The following DECR2 variants were observed in gnomAD, a reference collection of about 807,000 sequenced individuals.
The protein encoded by DECR2 is 2,4-dienoyl-CoA reductase 2.
DECR2 carries 34 observed loss-of-function variants against 29.2 expected under a neutral mutation model. The ratio of observed to expected loss-of-function variants is 1.16; its 90% CI spans 0.89 to 1.55. DECR2 has a LOEUF of 1.55. DECR2 is among the 40% of genes most tolerant of loss of function. The probability of loss-of-function intolerance (pLI) is 0.00; values close to 1 mark genes in which losing one functional copy is unlikely to be tolerated. For synonymous variants in DECR2, 224 were observed against 182.7 expected, an observed-to-expected ratio of 1.23 and a Z score of -1.82; for missense variants, 485 against 425.3, an observed-to-expected ratio of 1.14 and a Z score of -1.23.
chr16:407,771 C>T (rs74000576), intron 4 of DECR2, among the ~76,000 whole-genome samples: 66,656 of 135,342 alleles, frequency 0.49, 16,412 homozygotes, highest in Middle Eastern at 0.59. Context: ...TCTCCGGGCC[C>T]CTGTCTCCGG....
intron 3 of DECR2, 29 bp from the exon 4 acceptor site, chr16:407,396 T>C (rs1326068845): frequency 1.3e-6 from 2 of 1,591,586 alleles, no homozygotes; most frequent in Non-Finnish European, 1.7e-6. Flanking sequence ...GCTGCAGGGC[T>C]GCTGTCTGCC....
intron 1 of DECR2, among the ~76,000 whole-genome samples, chr16:402,644 TC>T (rs1291620363): frequency 5.3e-5 from 8 of 151,892 alleles, no homozygotes; most frequent in African/African-American, 1.9e-4. Flanking sequence ...TTTTTTTTTT[TC>T]CTTTTCTTTT....
At chr16:403,174 A>G (rs1444918789) in intron 1 of DECR2, among the ~76,000 whole-genome samples, 2 of 150,788 alleles carry the variant, frequency 1.3e-5, no homozygotes, top group African/African-American at 4.9e-5. Context: ...TAGGCACACA[A>G]TACCACGCTG....
rs374884091 is a variant in DECR2, at chr16:410,655, C to T, written c.463-36C>T. The T allele has an allele frequency of 6.4e-7, 1 of 1,559,132 alleles. No individual in the cohort carries two copies. Among genetic ancestry groups the T allele is most frequent in the East Asian group, 2.3e-5 (1 of 42,856 alleles). Reference sequence around the variant, plus strand: ...ACTGTCCTGTGACCTCCCCCGACACCCGCCCGCTCACTGCCCCGGGCCTTG... The same window carrying T: ...ACTGTCCTGTGACCTCCCCCGACACTCGCCCGCTCACTGCCCCGGGCCTTG... On this transcript the variant is annotated intron_variant, in intron 5 of 8. Coordinates refer to ENST00000219481, the MANE Select transcript of DECR2 (RefSeq NM_020664.4). This position sits in a 1 kb window ranked among gnomAD's most constrained non-coding sequence, Gnocchi z 4.1.
intron 4 of DECR2, among the ~76,000 whole-genome samples, chr16:408,778 A>G (rs1438233834): frequency 1.3e-5 from 2 of 151,822 alleles, no homozygotes; most frequent in Non-Finnish European, 2.9e-5. Flanking sequence ...TGGCCTCCCA[A>G]AATGCTGGGA....
At chr16:407,248 C>T in intron 3 of DECR2, 177 bp from the exon 4 acceptor site, 2 of 1,416,512 alleles carry the variant, frequency 1.4e-6, no homozygotes, top group Non-Finnish European at 1.8e-6. Flanking sequence ...TGGCAGGTTC[C>T]CACAAACATC....
intron 7 of DECR2, 24 bp downstream of exon 7, chr16:411,100 C>T: frequency 6.8e-7 from 1 of 1,480,630 alleles, no homozygotes. Flanking sequence ...GGAGCCCAGG[C>T]CTCCCACAGA....
rs144593130 is a variant in DECR2 at position 410,250 on chromosome 16, C to T, written c.345C>T (p.Ala115=). 5.6e-5 allele frequency: 91 copies of T among 1,612,982 alleles called. No individual in the cohort carries two copies. Among genetic ancestry groups the T allele is most frequent in the Non-Finnish European group, 7.1e-5 (84 of 1,179,676 alleles). ...CGGTCTCCCATTCTGCAGGTGCGGC[C>T]GGGAACTTCCTGTGCCCCGCTGGCG... ...GRIDILINCA[A]GNFLCPAGAL... is the part of the protein sequence containing the mutation. The change falls in exon 5 of 9, where the codon GCC becomes GCT. Residue 115 remains alanine (A), a synonymous_variant. Coordinates refer to ENST00000219481, the MANE Select transcript of DECR2 (RefSeq NM_020664.4). This position sits in a 1 kb window ranked among gnomAD's most constrained non-coding sequence, Gnocchi z 4.1.
intron 4 of DECR2, among the ~76,000 whole-genome samples, chr16:407,971 C>G (rs867868880): frequency 7.6e-4 from 58 of 75,952 alleles, no homozygotes; most frequent in African/African-American, 3.0e-3. Flanking sequence ...CTGTCTCCGG[C>G]CCCCTGTCTC....
chr16:410,441 G>T lies in DECR2; in HGVS notation c.462+74G>T. The T allele has an allele frequency of 6.3e-7, 1 of 1,580,192 alleles. No individual in the cohort carries two copies. The highest frequency in any genetic ancestry group is 8.6e-7 in the Non-Finnish European group (1 of 1,159,256). The stretch of plus-strand genomic sequence containing the variant: ...GTGCGCTCTGTGAGAAGTTCTTCCG[G>T]GTGGGTGCCTTGTGCGCTCTGTGAG... On this transcript the variant is annotated intron_variant, in intron 5 of 8. Coordinates refer to ENST00000219481, the MANE Select transcript of DECR2 (RefSeq NM_020664.4). The surrounding 1 kb of genome is among the most constrained non-coding windows in gnomAD (Gnocchi z 4.1).
intron 4 of DECR2, chr16:409,886 G>C (rs2054789834): frequency 4.0e-6 from 1 of 248,356 alleles, no homozygotes; most frequent in African/African-American, 2.2e-5. Flanking sequence ...GTGTGTCTGT[G>C]TGTCCTCTTC....
chr16:410,550 C>T lies in DECR2; in HGVS notation c.463-141C>T. 1 of 1,427,128 alleles carries T rather than the reference C, an allele frequency of 7.0e-7. No individual in the cohort carries two copies. The highest frequency in any genetic ancestry group is 9.6e-7 in the Non-Finnish European group (1 of 1,040,036). The allele number at this position is 1,427,128 out of a possible 1,614,324, so 88.4% of individuals were successfully genotyped here. On this transcript the variant is annotated intron_variant, in intron 5 of 8. Transcript: ENST00000219481. This position sits in a 1 kb window ranked among gnomAD's most constrained non-coding sequence, Gnocchi z 4.1. ...CCTGCCCTGGGCCTCCCCATGACGGCCGCCCGCTCCCTGCCCTGGGCCTCC... is the reference window on the plus strand; with the variant it reads ...CCTGCCCTGGGCCTCCCCATGACGGTCGCCCGCTCCCTGCCCTGGGCCTCC...
intron 1 of DECR2, among the ~76,000 whole-genome samples, chr16:403,691 C>G (rs1286754701): frequency 6.6e-6 from 1 of 152,158 alleles, no homozygotes; most frequent in African/African-American, 2.4e-5. Context: ...GCCTGAGCAA[C>G]AAAACGATAC....
chr16:409,803 G>GT (rs1467043717), intron 4 of DECR2: 1 of 159,850 alleles, frequency 6.3e-6, no homozygotes, highest in Non-Finnish European at 1.4e-5. Context: ...GTGGCTTCGG[G>GT]TACTGCCATA....
At chr16:405,142 A>G (rs775060614) in intron 2 of DECR2, 118 bp downstream of exon 2, 33 of 1,281,538 alleles carry the variant, frequency 2.6e-5, no homozygotes, top group Admixed American at 3.8e-5. Context: ...CACCTACCCG[A>G]CAGGATCCAG....
chr16:407,282 G>A, intron 3 of DECR2, 143 bp from the exon 4 acceptor site: 4 of 1,458,174 alleles, frequency 2.7e-6, no homozygotes, highest in Non-Finnish European at 3.6e-6. Context: ...GGCACTTGCA[G>A]GCTGTGCTTC....
chr16:411,628 G>T (rs771812427), intron 8 of DECR2, 50 bp downstream of exon 8: 1 of 1,564,134 alleles, frequency 6.4e-7, no homozygotes. Context: ...TTGGACGCTG[G>T]TCACTGCATG....
chr16:410,247 G>A lies in DECR2; in HGVS notation c.342G>A (p.Ala114=), dbSNP rs368586364. 5.7e-5 allele frequency: 92 copies of A among 1,613,002 alleles called. No individual in the cohort carries two copies. Among genetic ancestry groups the A allele is most frequent in the South Asian group, 3.1e-4 (28 of 90,994 alleles). The change falls in exon 5 of 9, where the codon GCG becomes GCA. Residue 114 remains alanine, a synonymous_variant. Transcript: ENST00000219481. The surrounding 1 kb of genome is among the most constrained non-coding windows in gnomAD (Gnocchi z 4.1). ...FGRIDILINC[A]AGNFLCPAGA... is the part of the protein sequence containing the mutation. ...CTGCGGTCTCCCATTCTGCAGGTGC[G>A]GCCGGGAACTTCCTGTGCCCCGCTG...
Position 407,559 on chromosome 16 carries a change from C to T in DECR2, c.336C>T (p.Asn112=). The change falls in exon 4 of 9, where the codon AAC becomes AAT. Residue 112 remains asparagine, a splice_region_variant and synonymous_variant. Coordinates refer to ENST00000219481, the MANE Select transcript of DECR2 (RefSeq NM_020664.4). ...KEFGRIDILI[N]CAAGNFLCPA... ...TTGGCAGAATCGACATTCTCATTAA[C>T]TGTGAGTCGGTGCTGAGTGAGGTTG... 2 of 1,613,900 alleles carry T rather than the reference C, an allele frequency of 1.2e-6. No homozygotes were observed. The highest frequency in any genetic ancestry group is 1.7e-6 in the Non-Finnish European group (2 of 1,179,828).
Sources: gnomAD v4.1 joint callset for allele counts (sites outside exome capture counted in the v4.1 genomes callset) on GRCh38, gnomAD v4.1.1 for gene constraint, Gnocchi (gnomAD v3.1) non-coding constraint, MANE v1.5 for transcripts, NCBI Gene and HGNC (gene_info 2026-07-23, HGNC 2026-07-21) for gene names.